Variants in CSGALNACT1 observed in about 807,000 individuals in gnomAD.
The protein encoded by CSGALNACT1 is beta4GalNAcT-1.
A neutral mutation model predicts 51.0 loss-of-function variants in CSGALNACT1; 52 were observed. The ratio of observed to expected loss-of-function variants is 1.02; its 90% CI spans 0.82 to 1.29. The LOEUF is 1.29. Ranked by LOEUF, CSGALNACT1 falls within the 50% of genes most tolerant of loss-of-function variation. The pLI, the probability that CSGALNACT1 is intolerant of heterozygous loss-of-function variation, is 0.00. For synonymous variants in CSGALNACT1, 341 were observed against 254.4 expected (o/e 1.34, Z -3.24); for missense variants, 935 against 679.2 (o/e 1.38, Z -4.19).
At chr8:19,588,505 C>G (rs1338006860) in intron 3 of CSGALNACT1, among the ~76,000 whole-genome samples, 2 of 152,204 alleles carry the variant, frequency 1.3e-5, no homozygotes, top group Non-Finnish European at 2.9e-5. Context: ...ATGTAAATAT[C>G]ACTCGTGAGC....
intron 3 of CSGALNACT1, among the ~76,000 whole-genome samples, chr8:19,569,436 G>A (rs1260413689): frequency 6.6e-6 from 1 of 152,018 alleles, no homozygotes; most frequent in African/African-American, 2.4e-5. Flanking sequence ...ATACAATAAA[G>A]CTTTTTGAAC....
intron 5 of CSGALNACT1, among the ~76,000 whole-genome samples, chr8:19,448,723 C>A (rs935167250): frequency 2.0e-5 from 3 of 152,122 alleles, no homozygotes; most frequent in Non-Finnish European, 4.4e-5. Flanking sequence ...GACACAGATG[C>A]AAGGAAATCA....
At chr8:19,618,842 G>T (rs2053433893) in intron 1 of CSGALNACT1, among the ~76,000 whole-genome samples, 1 of 152,000 alleles carries the variant, frequency 6.6e-6, no homozygotes, top group South Asian at 2.1e-4. Flanking sequence ...CTTCCTGCTG[G>T]ATTTACATAA....
At chr8:19,633,130 T>C (rs1048191296) in intron 1 of CSGALNACT1, among the ~76,000 whole-genome samples, 7 of 152,006 alleles carry the variant, frequency 4.6e-5, no homozygotes, top group Admixed American at 1.3e-4. Flanking sequence ...GATGTAACTT[T>C]TTAAACATTT....
intron 5 of CSGALNACT1, among the ~76,000 whole-genome samples, chr8:19,456,039 C>T (rs895700283): frequency 6.6e-6 from 1 of 152,238 alleles, no homozygotes; most frequent in Non-Finnish European, 1.5e-5. Flanking sequence ...TCAAGGCAAA[C>T]TGCCCTGGGA....
At chr8:19,538,730 T>C (rs555260279) in intron 3 of CSGALNACT1, among the ~76,000 whole-genome samples, 8 of 152,218 alleles carry the variant, frequency 5.3e-5, no homozygotes, top group Admixed American at 2.6e-4. Context: ...GGAAGATCAA[T>C]TGAAACAGCA....
chr8:19,593,886 A>C (rs1247372284), intron 2 of CSGALNACT1, among the ~76,000 whole-genome samples: 1 of 152,080 alleles, frequency 6.6e-6, no homozygotes, highest in Non-Finnish European at 1.5e-5. Context: ...ACCCTTCTCA[A>C]CCTTGTGCTG....
intron 1 of CSGALNACT1, among the ~76,000 whole-genome samples, chr8:19,656,306 G>A (rs2058266114): frequency 1.3e-5 from 2 of 152,084 alleles, no homozygotes; most frequent in African/African-American, 4.8e-5. Context: ...CTAAAAGTCT[G>A]GAATCAAAAC....
intron 2 of CSGALNACT1, among the ~76,000 whole-genome samples, chr8:19,600,021 TC>T (rs2050057143): frequency 6.6e-6 from 1 of 152,200 alleles, no homozygotes. Context: ...GTTAAACATA[TC>T]CTTCATAGAG....
chr8:19,610,289 CAAAAAAAAAAA>C (rs58262538), intron 1 of CSGALNACT1, among the ~76,000 whole-genome samples: 6 of 47,656 alleles, frequency 1.3e-4, no homozygotes, highest in Non-Finnish European at 2.0e-4. Context: ...GACTCCGTCT[CAAAAAAAAAAA>C]AAAAAAAAAA....
intron 1 of CSGALNACT1, among the ~76,000 whole-genome samples, chr8:19,731,068 A>G (rs776489408): frequency 3.3e-5 from 5 of 152,170 alleles, no homozygotes; most frequent in African/African-American, 4.8e-5. Flanking sequence ...AAAAGGAATC[A>G]TGAGCCTAAA....
At chr8:19,613,572 G>T (rs905340067) in intron 1 of CSGALNACT1, among the ~76,000 whole-genome samples, 37 of 152,302 alleles carry the variant, frequency 2.4e-4, no homozygotes, top group African/African-American at 7.0e-4. Flanking sequence ...TCAGCTCGTT[G>T]TTTCCACACA....
rs370240807 is a variant in CSGALNACT1 at position 19,672,715 on chromosome 8, T to C, written c.-544+9758A>G. 1.1e-3 allele frequency among the ~76,000 whole-genome samples: 34 copies of C among 29,744 alleles called. No homozygotes were observed. In the African/African-American group the frequency reaches 0.014, roughly 12 times the overall value. 19.5% of individuals were successfully genotyped at this position (29,744 alleles called of 152,430 possible). A position where few individuals can be genotyped will look rare whatever the true frequency, so the allele number is the denominator to read the frequency against. On this transcript the variant is annotated intron_variant, in intron 1 of 9. Transcript: ENST00000332246. ...AAACCAACATTCCGAATTCCAACCA[T>C]AGTATTTAGCTGCTGCTCTTATCAA...
At position 19,749,991 on chromosome 8, in the gene CSGALNACT1, T is replaced by G. The variant is rs188604730; in HGVS notation, c.-297+7859A>C. On this transcript the variant is annotated intron_variant, in intron 1 of 1. Coordinates refer to the CSGALNACT1 transcript ENST00000517494. ...TTTTTAGCAGAAGCCATCCAGCTGG[T>G]GCAGCACAGCTGAGCCTCTGACCCA... 4.9e-4 allele frequency among the ~76,000 whole-genome samples: 75 copies of G among 152,246 alleles called. 2 individuals carry two copies. Among genetic ancestry groups the G allele is most frequent in the South Asian group, 2.3e-3 (11 of 4,828 alleles).
At chr8:19,720,876 T>C (rs73202516) in intron 1 of CSGALNACT1, among the ~76,000 whole-genome samples, 9,498 of 152,240 alleles carry the variant, frequency 0.062, 469 homozygotes, top group Admixed American at 0.16. Context: ...CTGAGCCAGA[T>C]ACCTGTCCCC....
At chr8:19,686,686 T>C (rs886150010), upstream of CSGALNACT1, among the ~76,000 whole-genome samples, 2 of 152,148 alleles carry the variant, frequency 1.3e-5, no homozygotes, top group Middle Eastern at 3.2e-3. Context: ...TCACCACCTC[T>C]CCCTTGTGCC....
intron 3 of CSGALNACT1, among the ~76,000 whole-genome samples, chr8:19,525,128 T>C (rs954733569): frequency 2.0e-5 from 3 of 152,220 alleles, no homozygotes; most frequent in Non-Finnish European, 4.4e-5. Context: ...TTGTGTTCTT[T>C]GTCCAATATA....
rs544026449 is a variant in CSGALNACT1 at position 19,644,639 on chromosome 8, G to T, written c.-544+37834C>A. The stretch of plus-strand genomic sequence containing the variant: ...ACAGGAGAATTGCTTGAACCCGGGA[G>T]GCAGAGGTTGCAGTGAGCCGAGATG... On this transcript the variant is annotated intron_variant, in intron 1 of 9. Coordinates refer to the CSGALNACT1 transcript ENST00000332246. Among the ~76,000 whole-genome samples, 35 of 149,904 alleles carry T rather than the reference G, an allele frequency of 2.3e-4. No homozygotes were observed. In the South Asian group the frequency reaches 6.3e-3, roughly 27 times the overall value.
chr8:19,607,116 C>T (rs986790454), upstream of CSGALNACT1, among the ~76,000 whole-genome samples: 55 of 150,820 alleles, frequency 3.6e-4, no homozygotes, highest in African/African-American at 1.3e-3. Context: ...GAACGCGCCA[C>T]GGCACTCCAG....
Sources: gnomAD v4.1 joint callset for allele counts (sites outside exome capture counted in the v4.1 genomes callset) on GRCh38, gnomAD v4.1.1 for gene constraint, MANE v1.5 for transcripts, NCBI Gene and HGNC (gene_info 2026-07-23, HGNC 2026-07-21) for gene names.